Variants in JMJD1C observed in about 807,000 individuals in gnomAD.
The protein encoded by JMJD1C is jumonji domain containing 1C.
JMJD1C carries 31 observed loss-of-function variants against 245.3 expected under a neutral mutation model. That is an observed-to-expected ratio of 0.13 (90% confidence interval 0.09 to 0.17). JMJD1C has a LOEUF of 0.17. Among genes scored for constraint, JMJD1C ranks in the 10% least tolerant of loss-of-function variants. JMJD1C has a pLI of 1.00. For synonymous variants in JMJD1C, 1,057 were observed against 1,017.4 expected (o/e 1.04, Z -0.74); for missense variants, 2,691 against 3,000.2 (o/e 0.90, Z 2.41).
intron 1 of JMJD1C, among the ~76,000 whole-genome samples, chr10:63,444,782 C>T (rs989072633): frequency 3.3e-5 from 5 of 152,124 alleles, no homozygotes; most frequent in African/African-American, 9.7e-5. Context: ...CCCACCACCA[C>T]GCCCAGCTAA....
At chr10:63,465,091 G>C (rs935639667) in intron 1 of JMJD1C, 1 of 220,174 alleles carries the variant, frequency 4.5e-6, no homozygotes, top group Non-Finnish European at 8.9e-6. Flanking sequence ...TCCAAGAAAA[G>C]AGATACCAGG....
In JMJD1C at chr10:63,347,672, G is replaced by C. The variant is rs369656045; in HGVS notation, c.333+32646C>G. 2.6e-5 allele frequency among the ~76,000 whole-genome samples: 4 copies of C among 152,058 alleles called. No homozygotes were observed. In the South Asian group the frequency reaches 8.3e-4, roughly 32 times the overall value. On this transcript the variant is annotated intron_variant, in intron 2 of 25. Coordinates refer to ENST00000399262, the MANE Select transcript of JMJD1C (RefSeq NM_032776.3). ...TCATGCCTGTAATCCCAGCACTTTG[G>C]GAGGCTGAGATGGGTAGATCACCTG...
At chr10:63,452,341 C>A (rs1402527971) in intron 1 of JMJD1C, among the ~76,000 whole-genome samples, 1 of 152,144 alleles carries the variant, frequency 6.6e-6, no homozygotes, top group African/African-American at 2.4e-5. Flanking sequence ...TGAAAAGATG[C>A]TCAAAAATCA....
chr10:63,301,053 T>A (rs1001411844), intron 2 of JMJD1C, among the ~76,000 whole-genome samples: 5 of 152,206 alleles, frequency 3.3e-5, no homozygotes. Context: ...GTCTGCTCTG[T>A]CACCCAGGCT....
intron 1 of JMJD1C, among the ~76,000 whole-genome samples, chr10:63,385,078 A>G (rs1010768762): frequency 2.0e-5 from 3 of 152,080 alleles, no homozygotes; most frequent in Admixed American, 2.0e-4. Flanking sequence ...TGTCTCAAGG[A>G]ATAGGGAGGT....
Position 63,309,957 on chromosome 10 carries a change from T to C in JMJD1C, c.334-45193A>G, listed in dbSNP as rs373351870. Among the ~76,000 whole-genome samples, 4 of 152,174 alleles carry C rather than the reference T, an allele frequency of 2.6e-5. No homozygotes were observed. The East Asian group carries it at 5.8e-4, about 22-fold the overall frequency. On this transcript the variant is annotated intron_variant, in intron 2 of 25. Coordinates refer to ENST00000399262, the MANE Select transcript of JMJD1C (RefSeq NM_032776.3). ...TTTATAGTCAAACCATAAGAACATT[T>C]AAAAGAGTTCAGCAAGCCTACTGGA...
At position 63,264,643 on chromosome 10, in the gene JMJD1C, T is replaced by C; in HGVS notation, c.447+8A>G. The stretch of plus-strand genomic sequence containing the variant: ...TTTAATTTTAAAAAGTAATCTAAAA[T>C]TTCTTACCTGGTAGGGCTGAAAGGC... On this transcript the variant is annotated splice_region_variant and intron_variant, in intron 3 of 25. Coordinates refer to ENST00000399262, the MANE Select transcript of JMJD1C (RefSeq NM_032776.3). 3 of 1,282,330 alleles carry C rather than the reference T, an allele frequency of 2.3e-6. No homozygotes were observed. The highest frequency in any genetic ancestry group is 2.4e-5 in the East Asian group (1 of 40,930). 79.4% of individuals were successfully genotyped at this position (1,282,330 alleles called of 1,614,324 possible). A position where few individuals can be genotyped will look rare whatever the true frequency, so the allele number is the denominator to read the frequency against.
chr10:63,205,197 C>T (rs189288168), intron 10 of JMJD1C, among the ~76,000 whole-genome samples: 9 of 152,070 alleles, frequency 5.9e-5, no homozygotes, highest in Admixed American at 6.6e-5. Context: ...TCTTTAACAT[C>T]GAAATGAATA....
At chr10:63,374,062 A>G (rs7923609) in intron 2 of JMJD1C, among the ~76,000 whole-genome samples, 64,833 of 152,054 alleles carry the variant, frequency 0.43, 14,443 homozygotes, top group South Asian at 0.53. Context: ...ACAATATCCC[A>G]TTGCATAGAC....
chr10:63,444,559 C>T (rs1352434307), intron 1 of JMJD1C, among the ~76,000 whole-genome samples: 1 of 152,158 alleles, frequency 6.6e-6, no homozygotes, highest in African/African-American at 2.4e-5. Flanking sequence ...CAGGCGTGCG[C>T]CTCCGTACCC....
At chr10:63,209,597 A>G (rs1381172850) in intron 8 of JMJD1C, among the ~76,000 whole-genome samples, 3 of 152,220 alleles carry the variant, frequency 2.0e-5, no homozygotes, top group African/African-American at 4.8e-5. Context: ...TAAAAACAGA[A>G]TATTATTCCT....
rs896961626 is a variant in JMJD1C, at chr10:63,465,367, G to T, written c.168+128C>A. The T allele has an allele frequency of 5.6e-5, 55 of 987,582 alleles. No individual in the cohort carries two copies. The Admixed American group carries it at 1.5e-3, about 27-fold the overall frequency. The allele number at this position is 987,582 out of a possible 1,614,324, so 61.2% of individuals were successfully genotyped here. A position where few individuals can be genotyped will look rare whatever the true frequency, so the allele number is the denominator to read the frequency against. ...AGGGATGCGGGCAAACGCGCCAAGG[G>T]TTCAGCAGAGGGGCGTGACCGCCAG... On this transcript the variant is annotated intron_variant, in intron 1 of 25. Coordinates refer to ENST00000399262, the MANE Select transcript of JMJD1C (RefSeq NM_032776.3).
intron 1 of JMJD1C, among the ~76,000 whole-genome samples, chr10:63,409,781 G>T (rs1949379885): frequency 6.6e-6 from 1 of 152,116 alleles, no homozygotes; most frequent in African/African-American, 2.4e-5. Context: ...GATCTGTAGG[G>T]GAAGTCTTTC....
At chr10:63,290,139 AAAAC>A (rs1858469232) in intron 2 of JMJD1C, among the ~76,000 whole-genome samples, 4 of 152,180 alleles carry the variant, frequency 2.6e-5, no homozygotes, top group Admixed American at 2.6e-4. Context: ...ATAACTGAAA[AAAAC>A]AAACCTTAAA....
chr10:63,168,062 C>T lies in JMJD1C; in HGVS notation c.7606G>A (p.Asp2536Asn), dbSNP rs1458051692. The T allele has an allele frequency of 1.9e-6, 3 of 1,588,414 alleles. No individual in the cohort carries two copies. Among genetic ancestry groups the T allele is most frequent in the African/African-American group, 2.7e-5 (2 of 74,490 alleles). ...ALKIHEDEVE[D>N]MEEN The stretch of plus-strand genomic sequence containing the variant: ...GATCACACTTAATTTTCTTCCATAT[C>T]CTCTACTTCATCCTCGTGTATCTTC... The change falls in exon 26 of 26, where the codon GAT (aspartate) becomes AAT (asparagine). Residue 2536 changes from aspartate (D) to asparagine (N), a missense_variant. By Grantham distance (23) the Asp-to-Asn change is conservative. Transcript: ENST00000399262.
chr10:63,415,267 C>G lies in JMJD1C; in HGVS notation c.169-34785G>C, dbSNP rs1255837909. Among the ~76,000 whole-genome samples, 3 of 5,766 alleles carry G rather than the reference C, an allele frequency of 5.2e-4. No homozygotes were observed. The East Asian group carries it at 0.15, about 288-fold the overall frequency. 3.8% of individuals were successfully genotyped at this position (5,766 alleles called of 152,430 possible). A position where few individuals can be genotyped will look rare whatever the true frequency, so the allele number is the denominator to read the frequency against. ...TGATTAAATCTTTAAATTTTAGTGT[C>G]ATTATTCATTTAAAAGCTGCCAGTT... On this transcript the variant is annotated intron_variant, in intron 1 of 25. Coordinates refer to ENST00000399262, the MANE Select transcript of JMJD1C (RefSeq NM_032776.3).
chr10:63,446,312 T>C (rs981606228), intron 1 of JMJD1C, among the ~76,000 whole-genome samples: 6 of 152,130 alleles, frequency 3.9e-5, no homozygotes, highest in Non-Finnish European at 7.4e-5. Context: ...TACTGGATAA[T>C]GAAGACTCAA....
intron 2 of JMJD1C, among the ~76,000 whole-genome samples, chr10:63,373,608 T>A (rs907361815): frequency 1.1e-4 from 17 of 152,222 alleles, no homozygotes; most frequent in Admixed American, 2.6e-4. Flanking sequence ...ACAAACATGT[T>A]TAAATACAAA....
intron 1 of JMJD1C, among the ~76,000 whole-genome samples, chr10:63,506,927 CCT>C (rs112255510): frequency 0.15 from 22,528 of 152,052 alleles, 3,892 homozygotes; most frequent in African/African-American, 0.42. Flanking sequence ...ATTATTCACC[CCT>C]CTCTCCCCTG....
Sources: gnomAD v4.1 joint callset for allele counts (sites outside exome capture counted in the v4.1 genomes callset) on GRCh38, gnomAD v4.1.1 for gene constraint, MANE v1.5 for transcripts, NCBI Gene and HGNC (gene_info 2026-07-23, HGNC 2026-07-21) for gene names.